Variants in PAK6 observed in about 807,000 individuals in gnomAD.
The protein encoded by PAK6 is serine/threonine-protein kinase PAK 6.
PAK6 carries 33 observed loss-of-function variants against 60.8 expected under a neutral mutation model. The ratio of observed to expected loss-of-function variants is 0.54; its 90% CI spans 0.41 to 0.73. The LOEUF (loss-of-function observed/expected upper bound fraction) is 0.73, where lower values mean the gene tolerates loss of function less well. Among genes scored for constraint, PAK6 ranks in the 30% least tolerant of loss-of-function variants. The pLI is 0.00. For missense variants in PAK6, 845 were observed against 904.1 expected (o/e 0.93, Z 0.84); for synonymous variants, 404 against 378.5 (o/e 1.07, Z -0.78).
intron 3 of PAK6, among the ~76,000 whole-genome samples, chr15:40,255,244 C>T (rs898930930): frequency 3.9e-5 from 6 of 152,194 alleles, no homozygotes; most frequent in Admixed American, 1.3e-4. Context: ...ACACAAGTGA[C>T]TGAATGAGCT....
intron 3 of PAK6, chr15:40,263,718 G>A (rs868140136): frequency 3.9e-5 from 13 of 331,946 alleles, no homozygotes; most frequent in South Asian, 2.8e-4. Flanking sequence ...GGGTTCAAGC[G>A]ATTCTCCTCC....
chr15:40,274,096 T>C, intron 9 of PAK6, 46 bp from the exon 10 acceptor site: 1 of 1,607,094 alleles, frequency 6.2e-7, no homozygotes. Context: ...CAGCTACCAA[T>C]GGGCCAGGGT....
chr15:40,261,036 C>A (rs964744660), intron 3 of PAK6, among the ~76,000 whole-genome samples: 1 of 151,698 alleles, frequency 6.6e-6, no homozygotes, highest in Non-Finnish European at 1.5e-5. Flanking sequence ...CTACAGGTGC[C>A]CACCACCACA....
In PAK6 at chr15:40,257,810, G is replaced by T. The variant is rs532019091; in HGVS notation, c.-6+4521G>T. On this transcript the variant is annotated intron_variant, in intron 3 of 10. Coordinates refer to ENST00000560346, the Ensembl canonical transcript of PAK6. ...CGTTGAGGAGGGTGGCCCACCCACA[G>T]TGCAGCTGCTTTTCTCATCTGTGGA... is the stretch of plus-strand genomic sequence containing the variant. Among the ~76,000 whole-genome samples, 7 of 152,204 alleles carry T rather than the reference G, an allele frequency of 4.6e-5. No individual in the cohort carries two copies. The East Asian group carries it at 1.4e-3, about 29-fold the overall frequency.
At position 40,265,122 on chromosome 15, in the gene PAK6, C is replaced by T. The variant is rs879058795; in HGVS notation, c.204+133C>T. 8 of 831,896 alleles carry T rather than the reference C, an allele frequency of 9.6e-6. No homozygotes were observed. In the African/African-American group the frequency reaches 1.2e-4, roughly 13 times the overall value. 51.5% of individuals were successfully genotyped at this position (831,896 alleles called of 1,614,324 possible). A position where few individuals can be genotyped will look rare whatever the true frequency, so the allele number is the denominator to read the frequency against. On this transcript the variant is annotated intron_variant, in intron 4 of 10. Transcript: ENST00000560346. ...TCAGTTAATCAGCTGTTTTAACTCC[C>T]TGCCTGTCAGCCTGCCATTCTCTCC...
chr15:40,271,914 G>A (rs1423444893), intron 5 of PAK6, among the ~76,000 whole-genome samples: 4 of 152,234 alleles, frequency 2.6e-5, no homozygotes, highest in African/African-American at 9.6e-5. Context: ...AATCGCCCAG[G>A]AAGAAATACC....
chr15:40,272,239 C>T lies in PAK6; in HGVS notation c.874C>T (p.Arg292Ter), dbSNP rs777880762. Residue 292 changes from arginine (R) to a stop codon, truncating the protein, a stop_gained, in exon 6 of 11, where the codon CGA (arginine) becomes TGA (stop). Transcript: ENST00000560346. LOFTEE classifies it high-confidence loss of function. Reference sequence around the variant, plus strand: ...GTCCCTGCAGCCCAACTCCTCTTTCCGACCGCCGCAGAAAGACAACCCCCC... The same window carrying T: ...GTCCCTGCAGCCCAACTCCTCTTTCTGACCGCCGCAGAAAGACAACCCCCC... 10 of 1,608,072 alleles carry T rather than the reference C, an allele frequency of 6.2e-6. No individual in the cohort carries two copies. The highest frequency in any genetic ancestry group is 2.2e-5 in the East Asian group (1 of 44,686).
intron 2 of PAK6, chr15:40,252,645 C>G (rs776112408): frequency 1.5e-6 from 2 of 1,327,732 alleles, no homozygotes; most frequent in East Asian, 4.9e-5. Flanking sequence ...AGGGCGGGCC[C>G]GGCTCCCACG....
chr15:40,261,872 C>T (rs1340613937), intron 3 of PAK6, among the ~76,000 whole-genome samples: 1 of 152,220 alleles, frequency 6.6e-6, no homozygotes, highest in Non-Finnish European at 1.5e-5. Flanking sequence ...TCTTTCTTCT[C>T]CAGCCTCCCT....
chr15:40,269,467 G>T (rs938574781), intron 5 of PAK6, among the ~76,000 whole-genome samples: 2 of 152,240 alleles, frequency 1.3e-5, no homozygotes, highest in Admixed American at 6.5e-5. Flanking sequence ...TCTTCTAGTG[G>T]CTTTCTTCCC....
At chr15:40,274,433 T>C (rs1416094539) in intron 10 of PAK6, among the ~76,000 whole-genome samples, 157 bp downstream of exon 10, 3 of 152,216 alleles carry the variant, frequency 2.0e-5, no homozygotes, top group African/African-American at 4.8e-5. Context: ...CGCACCTGGG[T>C]GTGGAGCCGC....
intron 5 of PAK6, among the ~76,000 whole-genome samples, chr15:40,271,201 C>T (rs1361232973): frequency 6.6e-6 from 1 of 152,214 alleles, no homozygotes; most frequent in Non-Finnish European, 1.5e-5. Flanking sequence ...GTGCATATCA[C>T]CGCTCCTTGG....
intron 2 of PAK6, among the ~76,000 whole-genome samples, chr15:40,247,988 C>T (rs2038542771): frequency 6.6e-6 from 1 of 152,168 alleles, no homozygotes; most frequent in Non-Finnish European, 1.5e-5. Flanking sequence ...GGGTGCTGCT[C>T]CTCCATAGCC....
At chr15:40,260,809 C>T (rs2140971377) in intron 3 of PAK6, among the ~76,000 whole-genome samples, 1 of 152,070 alleles carries the variant, frequency 6.6e-6, no homozygotes, top group South Asian at 2.1e-4. Flanking sequence ...TTGTATTTTC[C>T]AATATAAGGA....
At position 40,241,335 on chromosome 15, in the gene PAK6, G is replaced by A. The variant is rs373903476; in HGVS notation, c.-118+654G>A. ...TGGCATTGTACACCAAGAGGTTTGTGCCGTTCTGCCTGGGGTCTTCCTGAG... is the reference window on the plus strand; with the variant it reads ...TGGCATTGTACACCAAGAGGTTTGTACCGTTCTGCCTGGGGTCTTCCTGAG... On this transcript the variant is annotated intron_variant, in intron 2 of 10. Transcript: ENST00000560346. 2.0e-4 allele frequency among the ~76,000 whole-genome samples: 30 copies of A among 152,302 alleles called. 1 individual carries two copies. The highest frequency in any genetic ancestry group is 6.5e-4 in the African/African-American group (27 of 41,564).
intron 5 of PAK6, 134 bp from the exon 6 acceptor site, chr15:40,272,090 C>A: frequency 1.1e-6 from 1 of 940,502 alleles, no homozygotes; most frequent in Non-Finnish European, 1.6e-6. Context: ...GCTCAGAGCA[C>A]CTCCCTAGTT....
chr15:40,270,749 G>A (rs1286031089), intron 5 of PAK6, among the ~76,000 whole-genome samples: 1 of 152,228 alleles, frequency 6.6e-6, no homozygotes, highest in African/African-American at 2.4e-5. Context: ...TCTTTCCTGT[G>A]AAGGTCAAGC....
At position 40,264,720 on chromosome 15, in the gene PAK6, G is replaced by C; in HGVS notation, c.-5-61G>C. 4 of 1,470,470 alleles carry C rather than the reference G, an allele frequency of 2.7e-6. No homozygotes were observed. The South Asian group carries it at 4.7e-5, about 17-fold the overall frequency. The allele number at this position is 1,470,470 out of a possible 1,614,324, so 91.1% of individuals were successfully genotyped here. A position where few individuals can be genotyped will look rare whatever the true frequency, so the allele number is the denominator to read the frequency against. On this transcript the variant is annotated intron_variant, in intron 3 of 10. Transcript: ENST00000560346. The stretch of plus-strand genomic sequence containing the variant: ...AGGGAGCCCTGAACCTGGTGCCCCA[G>C]GCCCTGCTGCAGCCACCCCTCTTTC...
intron 2 of PAK6, among the ~76,000 whole-genome samples, chr15:40,242,580 G>A (rs550138848): frequency 6.6e-6 from 1 of 152,324 alleles, no homozygotes; most frequent in South Asian, 2.1e-4. Context: ...CTAGCCAGCA[G>A]GTTGGGGAGG....
Sources: gnomAD v4.1 joint callset for allele counts (sites outside exome capture counted in the v4.1 genomes callset) on GRCh38, gnomAD v4.1.1 for gene constraint, MANE v1.5 for transcripts, NCBI Gene and HGNC (gene_info 2026-07-23, HGNC 2026-07-21) for gene names.